Variants in GABRA5 observed in about 807,000 individuals in gnomAD.
The protein encoded by GABRA5 is gamma-aminobutyric acid receptor subunit alpha-5.
In GABRA5, 18 loss-of-function variants were observed where a neutral mutation model predicts 47.3. That is an observed-to-expected ratio of 0.38 (90% CI 0.26 to 0.56). GABRA5 has a LOEUF of 0.56. GABRA5 is among the 20% of genes least tolerant of loss of function. GABRA5 has a pLI of 0.71. For missense variants in GABRA5, 365 were observed against 599.3 expected, an observed-to-expected ratio of 0.61 and a Z score of 4.08; for synonymous variants, 237 against 229.3, an observed-to-expected ratio of 1.03 and a Z score of -0.30.
chr15:26,912,723 T>C (rs539990928), intron 6 of GABRA5, among the ~76,000 whole-genome samples: 5 of 152,326 alleles, frequency 3.3e-5, no homozygotes, highest in Admixed American at 6.5e-5. Flanking sequence ...ACTTCTGTTC[T>C]AGTGTTAGGT....
chr15:26,904,221 T>C (rs1302790960), intron 6 of GABRA5, among the ~76,000 whole-genome samples: 2 of 151,890 alleles, frequency 1.3e-5, no homozygotes, highest in Non-Finnish European at 2.9e-5. Context: ...TTATAGGGAG[T>C]CCTTTTCCCA....
At chr15:26,917,565 A>G (rs1240976898) in intron 7 of GABRA5, among the ~76,000 whole-genome samples, 3 of 152,022 alleles carry the variant, frequency 2.0e-5, no homozygotes, top group African/African-American at 2.4e-5. Flanking sequence ...TTCATATGAG[A>G]GTAATGCAGG....
In GABRA5 at chr15:26,930,158, G is replaced by A. The variant is rs572053330; in HGVS notation, c.581-7027G>A. Among the ~76,000 whole-genome samples, 3 of 151,616 alleles carry A rather than the reference G, an allele frequency of 2.0e-5. No individual in the cohort carries two copies. The South Asian group carries it at 6.3e-4, about 32-fold the overall frequency. On this transcript the variant is annotated intron_variant, in intron 7 of 10. Coordinates refer to ENST00000335625, the MANE Select transcript of GABRA5 (RefSeq NM_000810.4). The stretch of plus-strand genomic sequence containing the variant: ...CTCCCGAGTAGCTGGGATTACAGGT[G>A]CCCGCCACTACGCCTGGCTAATTTT...
intron 10 of GABRA5, among the ~76,000 whole-genome samples, chr15:26,944,165 G>C (rs1216271953): frequency 6.6e-6 from 1 of 152,206 alleles, no homozygotes; most frequent in Non-Finnish European, 1.5e-5. Context: ...AAATCAGCAT[G>C]AAGGGAGTCC....
At chr15:26,944,227 G>A (rs1036670469) in intron 10 of GABRA5, among the ~76,000 whole-genome samples, 1 of 152,202 alleles carries the variant, frequency 6.6e-6, no homozygotes, top group East Asian at 1.9e-4. Context: ...CCAGCCAAGG[G>A]CCACAAGCCA....
At chr15:26,908,415 C>T (rs566142768) in intron 6 of GABRA5, among the ~76,000 whole-genome samples, 3 of 152,252 alleles carry the variant, frequency 2.0e-5, no homozygotes, top group African/African-American at 7.2e-5. Flanking sequence ...TATGAGTACA[C>T]CAGAGGCACC....
intron 7 of GABRA5, among the ~76,000 whole-genome samples, chr15:26,935,458 C>A (rs900647790): frequency 2.0e-5 from 3 of 152,232 alleles, no homozygotes; most frequent in Admixed American, 1.3e-4. Flanking sequence ...ACAGGACTTG[C>A]ACCCAGCGAG....
chr15:26,947,519 A>G (rs143576081), intron 10 of GABRA5, among the ~76,000 whole-genome samples: 5 of 152,196 alleles, frequency 3.3e-5, no homozygotes, highest in African/African-American at 1.2e-4. Flanking sequence ...ATGTTCCTGC[A>G]AAAGACAGGA....
intron 6 of GABRA5, among the ~76,000 whole-genome samples, chr15:26,912,184 C>T (rs989931040): frequency 2.0e-5 from 3 of 152,210 alleles, no homozygotes; most frequent in East Asian, 1.9e-4. Context: ...GCTGTTTCCT[C>T]GTGTGCTCAT....
chr15:26,916,027 C>T (rs893947994), intron 7 of GABRA5, among the ~76,000 whole-genome samples: 4 of 152,128 alleles, frequency 2.6e-5, no homozygotes, highest in African/African-American at 9.7e-5. Context: ...CTCTCTTTCA[C>T]CATGTAATGC....
chr15:26,933,375 A>C (rs1566885015), intron 7 of GABRA5, among the ~76,000 whole-genome samples: 1 of 152,174 alleles, frequency 6.6e-6, no homozygotes, highest in African/African-American at 2.4e-5. Flanking sequence ...AATTGGAAGG[A>C]GCTGGTGCAT....
rs1892334410 is a variant in GABRA5 at position 26,867,173 on chromosome 15, CCGGGGCGCGGCG to C, written c.-140+66_-140+77del. 1 of 148,850 alleles carries C rather than the reference CCGGGGCGCGGCG, an allele frequency of 6.7e-6. No individual in the cohort carries two copies. 9.2% of individuals were successfully genotyped at this position (148,850 alleles called of 1,614,324 possible). A position where few individuals can be genotyped will look rare whatever the true frequency, so the allele number is the denominator to read the frequency against. On this transcript the variant is annotated intron_variant, in intron 1 of 10. Coordinates refer to ENST00000335625, the MANE Select transcript of GABRA5 (RefSeq NM_000810.4). This position sits in a 1 kb window ranked among gnomAD's most constrained non-coding sequence, Gnocchi z 5.9. ...GGCTCTGCGGCGGGCGGCGCGCGGCCCGGGGCGCGGCGCGGAGCGGAGCTGCAGGGCGGCGGC... is the reference window on the plus strand; with the variant it reads ...GGCTCTGCGGCGGGCGGCGCGCGGCCCGGAGCGGAGCTGCAGGGCGGCGGC...
chr15:26,924,880 G>T (rs1215395347), intron 7 of GABRA5, among the ~76,000 whole-genome samples: 2 of 152,088 alleles, frequency 1.3e-5, no homozygotes, highest in African/African-American at 2.4e-5. Flanking sequence ...TCCAAACCTG[G>T]GATGTGTAAG....
Position 26,942,307 on chromosome 15 carries a change from C to T in GABRA5, c.878-908C>T, listed in dbSNP as rs141399599. 3.7e-3 allele frequency among the ~76,000 whole-genome samples: 557 copies of T among 152,346 alleles called. 1 individual carries two copies. Among genetic ancestry groups the T allele is most frequent in the African/African-American group, 0.013 (539 of 41,590 alleles). ...AAAGGACTGTCCCCTTCCAGGGATC[C>T]AGCCTGGCTGTGTGGTCACTGCAAA... is the stretch of plus-strand genomic sequence containing the variant. On this transcript the variant is annotated intron_variant, in intron 9 of 10. Coordinates refer to ENST00000335625, the MANE Select transcript of GABRA5 (RefSeq NM_000810.4).
intron 7 of GABRA5, among the ~76,000 whole-genome samples, chr15:26,927,177 C>T (rs961727340): frequency 5.3e-5 from 8 of 151,684 alleles, no homozygotes; most frequent in South Asian, 2.1e-4. Context: ...AATCTCTGCT[C>T]GCTGCAACCT....
chr15:26,932,994 C>T (rs1418862253), intron 7 of GABRA5, among the ~76,000 whole-genome samples: 2 of 151,756 alleles, frequency 1.3e-5, no homozygotes, highest in Non-Finnish European at 2.9e-5. Flanking sequence ...CTAATGAATG[C>T]TGGGCTTAAT....
Position 26,948,892 on chromosome 15 carries a change from T to G in GABRA5, c.*659T>G, listed in dbSNP as rs1377638246. On this transcript the variant is annotated 3_prime_UTR_variant, in exon 11 of 11. Coordinates refer to ENST00000335625, the MANE Select transcript of GABRA5 (RefSeq NM_000810.4). ...AAAAAAATCAACTGCTTAAATTTTT[T>G]GGGAAGAAAAAGAAACATTTCTTAC... 1 of 152,230 alleles carries G rather than the reference T, an allele frequency of 6.6e-6. No homozygotes were observed. Among genetic ancestry groups the G allele is most frequent in the Non-Finnish European group, 1.5e-5 (1 of 68,060 alleles). The allele number at this position is 152,230 out of a possible 1,614,324, so 9.4% of individuals were successfully genotyped here.
chr15:26,935,848 A>T (rs1305994151), intron 7 of GABRA5, among the ~76,000 whole-genome samples: 2 of 152,072 alleles, frequency 1.3e-5, no homozygotes, highest in East Asian at 1.9e-4. Context: ...TTAGCTCCTC[A>T]TCGGCTGATG....
chr15:26,885,213 G>A (rs891642475), intron 6 of GABRA5, among the ~76,000 whole-genome samples: 7 of 151,918 alleles, frequency 4.6e-5, no homozygotes, highest in Non-Finnish European at 7.4e-5. Context: ...GCAGGAAAAT[G>A]GCGTGAACCT....
Sources: allele counts gnomAD v4.1 joint callset (sites outside exome capture counted in the v4.1 genomes callset), GRCh38; gene constraint gnomAD v4.1.1; non-coding constraint Gnocchi (gnomAD v3.1); transcripts MANE v1.5; gene names NCBI Gene and HGNC (gene_info 2026-07-23, HGNC 2026-07-21).